PRPS2: variants seen among roughly 807,000 people sequenced by gnomAD.
The protein encoded by PRPS2 is ribose-phosphate pyrophosphokinase 2.
For synonymous variants in PRPS2, 111 were observed against 115.3 expected (o/e 0.96, Z 0.24); for missense variants, 104 against 271.5 (o/e 0.38, Z 4.34).
intron 4 of PRPS2, among the ~76,000 whole-genome samples, chrX:12,817,696 C>G (rs2042655399): frequency 9.0e-6 from 1 of 111,511 alleles, no homozygotes; most frequent in East Asian, 2.8e-4. Flanking sequence ...TGCGCTGTAT[C>G]CACCCAATGG....
intron 1 of PRPS2, among the ~76,000 whole-genome samples, chrX:12,798,448 G>A (rs1412497936): frequency 8.9e-6 from 1 of 111,740 alleles, no homozygotes; most frequent in East Asian, 2.8e-4. Flanking sequence ...GAAAAATCAA[G>A]ACACAGCAAT....
In PRPS2 at chrX:12,820,809, G is replaced by A; in HGVS notation, c.864+6G>A. On this transcript the variant is annotated splice_donor_region_variant and intron_variant, in intron 6 of 6. Transcript: ENST00000380668. The stretch of plus-strand genomic sequence containing the variant: ...AACACTGCACCAAGATTCAGGTACT[G>A]TCTATACACCAAAGGCAGCCAAGCA... 2.5e-6 allele frequency: 3 copies of A among 1,208,823 alleles called. No individual in the cohort carries two copies. Among genetic ancestry groups the A allele is most frequent in the Non-Finnish European group, 3.4e-6 (3 of 893,932 alleles).
In PRPS2 at chrX:12,794,315, G is replaced by C. The variant is rs948699991; in HGVS notation, c.122+2696G>C. Among the ~76,000 whole-genome samples the C allele has an allele frequency of 4.5e-5, 5 of 111,669 alleles. No individual in the cohort carries two copies. In the Admixed American group the frequency reaches 4.7e-4, roughly 11 times the overall value. ...AGGAACCTCAGCTCCTCTTCTTGTA[G>C]GCCTCTCCATGGGGCTGCTTGAGCT... is the stretch of plus-strand genomic sequence containing the variant. On this transcript the variant is annotated intron_variant, in intron 1 of 6. Transcript: ENST00000380668.
intron 2 of PRPS2, among the ~76,000 whole-genome samples, chrX:12,805,110 G>T (rs1480798156): frequency 8.9e-6 from 1 of 112,242 alleles, no homozygotes; most frequent in African/African-American, 3.2e-5. Context: ...ACCAGGGACA[G>T]ATTCTGATGG....
chrX:12,804,495 T>C (rs1479819391), intron 2 of PRPS2, among the ~76,000 whole-genome samples: 1 of 111,517 alleles, frequency 9.0e-6, no homozygotes, highest in Non-Finnish European at 1.9e-5. Flanking sequence ...ATTCCTTCCT[T>C]ACCTTGGATC....
intron 4 of PRPS2, among the ~76,000 whole-genome samples, chrX:12,811,098 G>T (rs2042621840): frequency 8.9e-6 from 1 of 112,325 alleles, no homozygotes; most frequent in Admixed American, 9.4e-5. Context: ...CTCGGTGAGT[G>T]CTCCCTGCTC....
intron 2 of PRPS2, among the ~76,000 whole-genome samples, chrX:12,804,724 T>C (rs1221916635): frequency 2.7e-5 from 3 of 111,524 alleles, no homozygotes; most frequent in Non-Finnish European, 5.6e-5. Context: ...ACCTTTTTGC[T>C]TCATTTAGGA....
At chrX:12,809,945 G>C (rs2042614694) in intron 3 of PRPS2, 77 bp from the exon 4 acceptor site, 2 of 1,066,086 alleles carry the variant, frequency 1.9e-6, no homozygotes, top group Non-Finnish European at 2.4e-6. Context: ...TTTAATGAAA[G>C]CGATTATCGT....
chrX:12,792,345 T>C (rs1331596187), intron 1 of PRPS2, among the ~76,000 whole-genome samples: 2 of 112,191 alleles, frequency 1.8e-5, no homozygotes, highest in African/African-American at 6.5e-5. Context: ...TCCCCTCTGC[T>C]CCCACTACTC....
At chrX:12,796,852 A>ATTTTT (rs35240522) in intron 1 of PRPS2, among the ~76,000 whole-genome samples, 2 of 34,243 alleles carry the variant, frequency 5.8e-5, no homozygotes, top group Non-Finnish European at 9.7e-5. Flanking sequence ...AGTATTTCAG[A>ATTTTT]TTTTTTTTTT....
intron 2 of PRPS2, among the ~76,000 whole-genome samples, chrX:12,804,060 G>C (rs2042582009): frequency 9.1e-6 from 1 of 110,128 alleles, no homozygotes; most frequent in Non-Finnish European, 1.9e-5. Context: ...ACTCATTATA[G>C]TGAGGAGACA....
At position 12,791,593 on chromosome X, in the gene PRPS2, G is replaced by C; in HGVS notation, c.96G>C (p.Thr32=). 3 of 1,188,286 alleles carry C rather than the reference G, an allele frequency of 2.5e-6. No homozygotes were observed. Among genetic ancestry groups the C allele is most frequent in the Non-Finnish European group, 3.4e-6 (3 of 884,638 alleles). The change falls in exon 1 of 7, where the codon ACG becomes ACC. Residue 32 remains threonine (T), a synonymous_variant. Transcript: ENST00000380668. ...RLGLELGKVV[T]KKFSNQETSV... Reference sequence around the variant, plus strand: ...GCCTGGAGCTGGGCAAGGTGGTCACGAAGAAGTTCAGCAACCAGGAGACCA... The same window carrying C: ...GCCTGGAGCTGGGCAAGGTGGTCACCAAGAAGTTCAGCAACCAGGAGACCA...
intron 4 of PRPS2, among the ~76,000 whole-genome samples, chrX:12,819,283 C>T (rs904405314): frequency 8.9e-6 from 1 of 112,336 alleles, no homozygotes; most frequent in Non-Finnish European, 1.9e-5. Context: ...GCCAGGGTGC[C>T]CTGACGGTCA....
At chrX:12,798,892 G>T (rs1439688455) in intron 1 of PRPS2, among the ~76,000 whole-genome samples, 1 of 112,100 alleles carries the variant, frequency 8.9e-6, no homozygotes, top group Non-Finnish European at 1.9e-5. Flanking sequence ...TCTCTAAGCA[G>T]CTTCCCTGGT....
chrX:12,813,869 G>C (rs932483792), intron 4 of PRPS2, among the ~76,000 whole-genome samples: 6 of 111,119 alleles, frequency 5.4e-5, no homozygotes, highest in African/African-American at 2.0e-4. Context: ...TTCTCTGCAG[G>C]ACTTTAAAAA....
At chrX:12,808,386 T>C (rs1326490786) in intron 2 of PRPS2, among the ~76,000 whole-genome samples, 1 of 110,269 alleles carries the variant, frequency 9.1e-6, no homozygotes, top group Non-Finnish European at 1.9e-5. Flanking sequence ...TTGTGGCTGA[T>C]ATATAGAAAT....
chrX:12,802,486 C>T (rs769386537), intron 2 of PRPS2, among the ~76,000 whole-genome samples: 1 of 111,401 alleles, frequency 9.0e-6, no homozygotes, highest in African/African-American at 3.3e-5. Flanking sequence ...GGGAAGCATG[C>T]GCCACGACGC....
chrX:12,800,135 T>A (rs185919701), intron 2 of PRPS2, among the ~76,000 whole-genome samples: 1,634 of 111,838 alleles, frequency 0.015, 30 homozygotes, highest in African/African-American at 0.051. Context: ...CCGCGTGGCT[T>A]AAAAGAGCAG....
At chrX:12,795,684 CGTT>C (rs1308648462) in intron 1 of PRPS2, among the ~76,000 whole-genome samples, 1 of 112,138 alleles carries the variant, frequency 8.9e-6, no homozygotes, top group Non-Finnish European at 1.9e-5. Context: ...GCAATGATGA[CGTT>C]AATCCGTTTG....
Sources: gnomAD v4.1 joint callset for allele counts (sites outside exome capture counted in the v4.1 genomes callset) on GRCh38, gnomAD v4.1.1 for gene constraint, MANE v1.5 for transcripts, NCBI Gene and HGNC (gene_info 2026-07-23, HGNC 2026-07-21) for gene names.